Variants in RBFOX1 observed in about 807,000 individuals in gnomAD.
RBFOX1 encodes RNA binding protein fox-1 homolog 1.
RBFOX1 carries 8 observed loss-of-function variants against 57.7 expected under a neutral mutation model. The observed-to-expected ratio is 0.14, with a 90% CI of 0.08 to 0.25. The LOEUF (loss-of-function observed/expected upper bound fraction) is 0.25, where lower values mean the gene tolerates loss of function less well. Ranked by LOEUF, RBFOX1 falls within the 10% of genes least tolerant of loss-of-function variation. The pLI is 1.00. For missense variants in RBFOX1, 611 were observed against 548.5 expected, an observed-to-expected ratio of 1.11 and a Z score of -1.14; for synonymous variants, 326 against 222.4, an observed-to-expected ratio of 1.47 and a Z score of -4.15.
intron 3 of RBFOX1, among the ~76,000 whole-genome samples, chr16:5,712,851 C>G (rs556116277): frequency 6.6e-6 from 1 of 152,198 alleles, no homozygotes; most frequent in Non-Finnish European, 1.5e-5. Flanking sequence ...CACCCAACTT[C>G]CACCCCCACT....
chr16:6,787,412 C>T (rs1380959993), intron 3 of RBFOX1, among the ~76,000 whole-genome samples: 7 of 152,242 alleles, frequency 4.6e-5, no homozygotes, highest in African/African-American at 1.4e-4. Flanking sequence ...AGCAACAATG[C>T]CGTGTGATTT....
intron 5 of RBFOX1, among the ~76,000 whole-genome samples, chr16:7,531,177 A>C (rs770731168): frequency 2.0e-5 from 3 of 152,220 alleles, no homozygotes; most frequent in African/African-American, 2.4e-5. Flanking sequence ...ATACAATCCA[A>C]ACAATATGGG....
intron 1 of RBFOX1, among the ~76,000 whole-genome samples, chr16:6,081,828 C>G (rs1389416990): frequency 6.6e-6 from 1 of 152,162 alleles, no homozygotes; most frequent in Non-Finnish European, 1.5e-5. Flanking sequence ...CTACCTGCAG[C>G]TACGCTTGGT....
chr16:6,972,042 C>G (rs572089262), intron 3 of RBFOX1, among the ~76,000 whole-genome samples: 1 of 152,132 alleles, frequency 6.6e-6, no homozygotes. Context: ...CAGAGAGGGT[C>G]AAAGACTTTT....
In RBFOX1 at chr16:7,157,012, T is replaced by C. The variant is rs139218664; in HGVS notation, c.27+104914T>C. 1.5e-3 allele frequency among the ~76,000 whole-genome samples: 232 copies of C among 152,332 alleles called. 2 individuals carry two copies. The highest frequency in any genetic ancestry group is 5.3e-3 in the African/African-American group (219 of 41,584). On this transcript the variant is annotated intron_variant, in intron 4 of 15. Transcript: ENST00000550418. ...AAACATACATCCTCTGCTGTCAGAT[T>C]GTGAAAGGCTGAAGGAAATTTACAA...
intron 4 of RBFOX1, 80 bp from the exon 5 acceptor site, chr16:7,518,067 C>A: frequency 1.3e-6 from 2 of 1,518,524 alleles, no homozygotes. Context: ...GCACGATCGT[C>A]CTGGGATCTG....
chr16:6,316,359 T>G (rs936805136), intron 1 of RBFOX1, among the ~76,000 whole-genome samples: 1 of 152,202 alleles, frequency 6.6e-6, no homozygotes, highest in Non-Finnish European at 1.5e-5. Context: ...CTCCCTGTGA[T>G]TGGGTGATGA....
At chr16:5,586,169 C>G (rs1245105555) in intron 2 of RBFOX1, among the ~76,000 whole-genome samples, 1 of 152,144 alleles carries the variant, frequency 6.6e-6, no homozygotes, top group African/African-American at 2.4e-5. Context: ...GGGGGAGAGG[C>G]AGAGCATAAA....
intron 4 of RBFOX1, among the ~76,000 whole-genome samples, chr16:7,139,176 C>CTGTGTGTGTGTGTGTGTG (rs1388063094): frequency 8.4e-4 from 123 of 145,908 alleles, no homozygotes; most frequent in Non-Finnish European, 1.2e-3. Flanking sequence ...CAATCTCTCT[C>CTGTGTGTGTGTGTGTGTG]TGTGTGTGTG....
chr16:5,425,243 T>TTA (rs1184187397), intron 1 of RBFOX1, among the ~76,000 whole-genome samples: 2 of 151,838 alleles, frequency 1.3e-5, no homozygotes, highest in African/African-American at 4.8e-5. Flanking sequence ...GTAGCTGGGA[T>TTA]TATAGACGTG....
chr16:5,983,105 T>A (rs972008906), intron 4 of RBFOX1, among the ~76,000 whole-genome samples: 2 of 152,158 alleles, frequency 1.3e-5, no homozygotes, highest in African/African-American at 4.8e-5. Context: ...CTCACCTGCA[T>A]CTCCGTCTCT....
At chr16:5,333,352 C>G (rs372805293) in intron 1 of RBFOX1, among the ~76,000 whole-genome samples, 18 of 152,308 alleles carry the variant, frequency 1.2e-4, no homozygotes, top group African/African-American at 3.1e-4. Context: ...TATTGTGTGT[C>G]TGCTTTCTCT....
intron 3 of RBFOX1, among the ~76,000 whole-genome samples, chr16:7,041,320 G>A (rs562392153): frequency 6.6e-6 from 1 of 152,032 alleles, no homozygotes; most frequent in Non-Finnish European, 1.5e-5. Context: ...TGGGAGAACC[G>A]AGTAGCTGCA....
chr16:7,026,983 C>T (rs2041150489), intron 3 of RBFOX1, among the ~76,000 whole-genome samples: 2 of 152,142 alleles, frequency 1.3e-5, no homozygotes, highest in South Asian at 4.1e-4. Flanking sequence ...AAGCATACAT[C>T]AGCACCCCTA....
intron 9 of RBFOX1, among the ~76,000 whole-genome samples, chr16:7,597,665 CTGTT>C (rs2094778486): frequency 6.6e-6 from 1 of 152,180 alleles, no homozygotes; most frequent in African/African-American, 2.4e-5. Context: ...TAGAATAACT[CTGTT>C]TGGGATTGAG....
chr16:7,465,657 C>T (rs1362298134), intron 4 of RBFOX1, among the ~76,000 whole-genome samples: 2 of 152,178 alleles, frequency 1.3e-5, no homozygotes, highest in African/African-American at 2.4e-5. Flanking sequence ...CCACTCTTTA[C>T]TGGAGTCTTA....
At chr16:7,203,377 G>A (rs895588765) in intron 4 of RBFOX1, among the ~76,000 whole-genome samples, 19 of 152,186 alleles carry the variant, frequency 1.2e-4, no homozygotes, top group Non-Finnish European at 2.2e-4. Context: ...CTGGTGGAGA[G>A]GAAGGTAGGG....
At chr16:5,986,812 T>C (rs1346461248) in intron 4 of RBFOX1, among the ~76,000 whole-genome samples, 1 of 152,216 alleles carries the variant, frequency 6.6e-6, no homozygotes, top group Non-Finnish European at 1.5e-5. Flanking sequence ...GGGGGTACTG[T>C]GAGTGAAGTT....
Position 7,098,248 on chromosome 16 carries a change from C to T in RBFOX1, c.27+46150C>T, listed in dbSNP as rs148794874. On this transcript the variant is annotated intron_variant, in intron 4 of 15. Coordinates refer to ENST00000550418, the MANE Select transcript of RBFOX1 (RefSeq NM_018723.4). ...GCAGTGGCACGATCTTGGCCCATTA[C>T]AACCTCCGCCTTCCTGGTTCAAGCC... Among the ~76,000 whole-genome samples, 380 of 152,326 alleles carry T rather than the reference C, an allele frequency of 2.5e-3. 2 individuals carry two copies. The highest frequency in any genetic ancestry group is 0.022 in the Admixed American group (329 of 15,300).
Sources: allele counts gnomAD v4.1 joint callset (sites outside exome capture counted in the v4.1 genomes callset), GRCh38; gene constraint gnomAD v4.1.1; transcripts MANE v1.5; gene names NCBI Gene and HGNC (gene_info 2026-07-23, HGNC 2026-07-21).